The following GLIS3 variants were observed in gnomAD, a reference collection of about 807,000 sequenced individuals.
GLIS3 encodes the protein zinc finger protein GLIS3.
A neutral mutation model predicts 78.6 loss-of-function variants in GLIS3; 53 were observed. The observed-to-expected ratio is 0.67, with a 90% CI of 0.54 to 0.85. The LOEUF is 0.85. GLIS3 is among the 40% of genes least tolerant of loss of function. The pLI is 0.00. For synonymous variants in GLIS3, 684 were observed against 509.9 expected (o/e 1.34, Z -4.60); for missense variants, 1,703 against 1,231.1 (o/e 1.38, Z -5.74).
At chr9:4,165,167 A>G (rs1048130296) in intron 2 of GLIS3, among the ~76,000 whole-genome samples, 5 of 152,182 alleles carry the variant, frequency 3.3e-5, no homozygotes, top group Non-Finnish European at 7.4e-5. Context: ...CTGGCCGAGC[A>G]CGATGGCTCA....
intron 2 of GLIS3, among the ~76,000 whole-genome samples, chr9:4,237,876 G>A (rs1250963656): frequency 1.3e-5 from 2 of 152,196 alleles, no homozygotes; most frequent in African/African-American, 4.8e-5. Flanking sequence ...TCAGTTTGAT[G>A]TGGCTTTAAA....
chr9:3,894,056 G>C (rs1003766577), intron 7 of GLIS3, among the ~76,000 whole-genome samples: 1 of 152,198 alleles, frequency 6.6e-6, no homozygotes, highest in Non-Finnish European at 1.5e-5. Context: ...TCAAAGGAAT[G>C]CTTCACACAG....
intron 2 of GLIS3, among the ~76,000 whole-genome samples, chr9:4,168,667 G>A (rs149024597): frequency 8.5e-5 from 13 of 152,156 alleles, no homozygotes; most frequent in Non-Finnish European, 1.5e-4. Flanking sequence ...AAAGATTTAT[G>A]TATCATTTTC....
intron 2 of GLIS3, among the ~76,000 whole-genome samples, chr9:4,161,012 G>T (rs1385381556): frequency 1.3e-5 from 2 of 151,284 alleles, no homozygotes; most frequent in East Asian, 3.9e-4. Flanking sequence ...AGAAGGCTAA[G>T]GTGGAAGGAT....
At chr9:4,174,421 A>AT (rs1477594060) in intron 2 of GLIS3, among the ~76,000 whole-genome samples, 2 of 152,256 alleles carry the variant, frequency 1.3e-5, no homozygotes, top group African/African-American at 2.4e-5. Context: ...TATACAAAAA[A>AT]ATATATAAAT....
At chr9:4,356,055 G>A in the GLIS3 span, among the ~76,000 whole-genome samples, 1 of 152,162 alleles carries the variant, frequency 6.6e-6, no homozygotes, top group African/African-American at 2.4e-5. Context: ...TCCAGCCCCA[G>A]CTCTAACACT....
chr9:4,186,928 T>C (rs1428179748), intron 2 of GLIS3, among the ~76,000 whole-genome samples: 1 of 152,234 alleles, frequency 6.6e-6, no homozygotes, highest in Non-Finnish European at 1.5e-5. Flanking sequence ...GGGAAAATTT[T>C]CTCCCATTCT....
Position 4,147,771 on chromosome 9 carries a change from C to T in GLIS3, c.389-21830G>A, listed in dbSNP as rs1162247481. 2.6e-5 allele frequency: 4 copies of T among 151,710 alleles called. No homozygotes were observed. In the East Asian group the frequency reaches 7.8e-4, roughly 30 times the overall value. The allele number at this position is 151,710 out of a possible 1,614,324, so 9.4% of individuals were successfully genotyped here. A position where few individuals can be genotyped will look rare whatever the true frequency, so the allele number is the denominator to read the frequency against. ...GTCAGAGCAGGTGGGTGAACTCACC[C>T]ACCCACCTTTCTGGAAGCAAAGTTT... On this transcript the variant is annotated intron_variant, in intron 2 of 10. Transcript: ENST00000381971.
intron 6 of GLIS3, among the ~76,000 whole-genome samples, chr9:3,902,012 T>TA (rs1823340795): frequency 6.6e-6 from 1 of 152,198 alleles, no homozygotes; most frequent in Admixed American, 6.5e-5. Context: ...CCAACTACTC[T>TA]AGGGTTTTAT....
At chr9:4,458,957 G>A in the GLIS3 span, among the ~76,000 whole-genome samples, 13 of 152,150 alleles carry the variant, frequency 8.5e-5, no homozygotes, top group African/African-American at 2.4e-4. Context: ...TAAGAGGCAA[G>A]ATCAGAAAGG....
chr9:4,214,081 C>G (rs1203460689), intron 2 of GLIS3, among the ~76,000 whole-genome samples: 1 of 152,320 alleles, frequency 6.6e-6, no homozygotes, highest in South Asian at 2.1e-4. Flanking sequence ...CACTCATAGC[C>G]TTTGCCACAG....
rs377743799 is a variant in GLIS3 at position 4,162,825 on chromosome 9, C to T, written c.389-36884G>A. Among the ~76,000 whole-genome samples, 19 of 143,824 alleles carry T rather than the reference C, an allele frequency of 1.3e-4. No individual in the cohort carries two copies. In the East Asian group the frequency reaches 2.8e-3, roughly 21 times the overall value. The allele number at this position is 143,824 out of a possible 152,430, so 94.4% of individuals were successfully genotyped here. On this transcript the variant is annotated intron_variant, in intron 2 of 10. Transcript: ENST00000381971. ...TGAGCCAAGATTTCACCACTGCACT[C>T]CAGCCCGGGCGACAGAGTCTCGCTC... is the stretch of plus-strand genomic sequence containing the variant.
At chr9:4,469,286 C>G in the GLIS3 span, among the ~76,000 whole-genome samples, 1 of 152,240 alleles carries the variant, frequency 6.6e-6, no homozygotes, top group African/African-American at 2.4e-5. Flanking sequence ...CCAAGCAGAC[C>G]TAATAGACAT....
intron 2 of GLIS3, among the ~76,000 whole-genome samples, chr9:4,316,139 T>C (rs769086294): frequency 2.0e-5 from 3 of 152,184 alleles, no homozygotes; most frequent in Non-Finnish European, 4.4e-5. Context: ...AATGCCACTG[T>C]CAGTCTATCC....
rs536054492 is a variant in GLIS3 at position 4,279,377 on chromosome 9, A to G, written c.388+6661T>C. On this transcript the variant is annotated intron_variant, in intron 2 of 10. Coordinates refer to ENST00000381971, the MANE Select transcript of GLIS3 (RefSeq NM_001042413.2). ...CACACACACACATAATACATATTAT[A>G]TATATTTTATATTATATATATATCA... 7.3e-4 allele frequency among the ~76,000 whole-genome samples: 106 copies of G among 145,444 alleles called. 1 individual carries two copies. The highest frequency in any genetic ancestry group is 7.1e-3 in the Admixed American group (101 of 14,288).
intron 2 of GLIS3, among the ~76,000 whole-genome samples, chr9:4,266,220 C>T (rs1280406266): frequency 6.6e-6 from 1 of 151,870 alleles, no homozygotes; most frequent in Admixed American, 6.6e-5. Flanking sequence ...GCCTGGCCCG[C>T]ACTCACCCTG....
the GLIS3 span, among the ~76,000 whole-genome samples, chr9:4,486,977 T>C: frequency 6.6e-6 from 1 of 152,066 alleles, no homozygotes; most frequent in Admixed American, 6.6e-5. Context: ...GGAATATAGG[T>C]GTGAGTCGAC....
intron 2 of GLIS3, among the ~76,000 whole-genome samples, chr9:4,320,920 G>T (rs1817514132): frequency 6.6e-6 from 1 of 152,042 alleles, no homozygotes; most frequent in Non-Finnish European, 1.5e-5. Context: ...AGTTTTGAAA[G>T]TCTGTCTCCT....
At chr9:3,998,516 TACTAAC>T (rs1264742421) in intron 4 of GLIS3, among the ~76,000 whole-genome samples, 2 of 151,806 alleles carry the variant, frequency 1.3e-5, no homozygotes, top group Non-Finnish European at 2.9e-5. Context: ...ACAATATAAA[TACTAAC>T]ACTAACAATA....
Sources: allele counts gnomAD v4.1 joint callset (sites outside exome capture counted in the v4.1 genomes callset), GRCh38; gene constraint gnomAD v4.1.1; transcripts MANE v1.5; gene names NCBI Gene and HGNC (gene_info 2026-07-23, HGNC 2026-07-21).